Variants in XYLT1 observed in about 807,000 individuals in gnomAD.
The protein encoded by XYLT1 is beta-D-xylosyltransferase 1.
A neutral mutation model predicts 91.3 loss-of-function variants in XYLT1; 36 were observed. That is an observed-to-expected ratio of 0.39 (90% CI 0.30 to 0.52). The LOEUF (loss-of-function observed/expected upper bound fraction) is 0.52, where lower values mean the gene tolerates loss of function less well. Among genes scored for constraint, XYLT1 ranks in the 20% least tolerant of loss-of-function variants. The probability of loss-of-function intolerance (pLI) is 0.68; values close to 1 mark genes in which losing one functional copy is unlikely to be tolerated. For synonymous variants in XYLT1, 588 were observed against 532.0 expected, an observed-to-expected ratio of 1.11 and a Z score of -1.45; for missense variants, 1,242 against 1,284.5, an observed-to-expected ratio of 0.97 and a Z score of 0.51.
At chr16:17,368,277 G>A (rs956163544) in intron 1 of XYLT1, among the ~76,000 whole-genome samples, 4 of 152,178 alleles carry the variant, frequency 2.6e-5, no homozygotes, top group Non-Finnish European at 5.9e-5. Flanking sequence ...CCCTGCAGGG[G>A]ACGGATGGGC....
intron 5 of XYLT1, among the ~76,000 whole-genome samples, chr16:17,191,005 G>A (rs1249826644): frequency 6.6e-6 from 1 of 152,162 alleles, no homozygotes; most frequent in East Asian, 1.9e-4. Flanking sequence ...ATGTAAACAA[G>A]CTTGTCCAAC....
intron 10 of XYLT1, among the ~76,000 whole-genome samples, chr16:17,120,739 AT>A (rs1292120231): frequency 1.3e-5 from 2 of 152,120 alleles, no homozygotes; most frequent in Non-Finnish European, 2.9e-5. Context: ...GGGACTATAT[AT>A]GGCATGCTCA....
chr16:17,317,629 CAAAAAAAAAAAAAAAA>C (rs35666149), intron 2 of XYLT1, among the ~76,000 whole-genome samples: 1 of 58,010 alleles, frequency 1.7e-5, no homozygotes, highest in African/African-American at 7.0e-5. Flanking sequence ...GACGCTGTCT[CAAAAAAAAAAAAAAAA>C]AAAAAAAAAA....
intron 2 of XYLT1, among the ~76,000 whole-genome samples, chr16:17,356,086 C>T (rs2035290953): frequency 6.6e-6 from 1 of 151,910 alleles, no homozygotes; most frequent in African/African-American, 2.4e-5. Flanking sequence ...CCTGGGTCTC[C>T]ACCTACTAGA....
At chr16:17,217,993 G>A (rs1381271053) in intron 3 of XYLT1, among the ~76,000 whole-genome samples, 1 of 151,758 alleles carries the variant, frequency 6.6e-6, no homozygotes, top group Non-Finnish European at 1.5e-5. Flanking sequence ...TGGGGGTCCA[G>A]GCGCAGCGGT....
chr16:17,390,039 T>A (rs8049884), intron 1 of XYLT1, among the ~76,000 whole-genome samples: 2 of 151,948 alleles, frequency 1.3e-5, no homozygotes, highest in Non-Finnish European at 2.9e-5. Context: ...CTTCACCCCC[T>A]GCCCATCTCT....
chr16:17,318,004 G>C (rs1384278881), intron 2 of XYLT1, among the ~76,000 whole-genome samples: 1 of 152,196 alleles, frequency 6.6e-6, no homozygotes, highest in African/African-American at 2.4e-5. Flanking sequence ...TACCCGTCTT[G>C]TCACCCTGTT....
intron 1 of XYLT1, among the ~76,000 whole-genome samples, chr16:17,467,296 C>T (rs905989821): frequency 1.2e-4 from 19 of 152,180 alleles, no homozygotes; most frequent in African/African-American, 4.3e-4. Context: ...AATAAACATT[C>T]ATTACATTAA....
chr16:17,421,521 C>T (rs4781983), intron 1 of XYLT1, among the ~76,000 whole-genome samples: 36,255 of 152,104 alleles, frequency 0.24, 4,850 homozygotes, highest in African/African-American at 0.35. Flanking sequence ...TTCCTGCCTG[C>T]TGGAGGCCAG....
chr16:17,335,962 G>A (rs765205554), intron 2 of XYLT1, among the ~76,000 whole-genome samples: 1 of 152,210 alleles, frequency 6.6e-6, no homozygotes, highest in Admixed American at 6.5e-5. Flanking sequence ...AAATCATCTT[G>A]TGAGTCACCA....
At chr16:17,248,971 C>T (rs2033491173) in intron 3 of XYLT1, among the ~76,000 whole-genome samples, 1 of 151,976 alleles carries the variant, frequency 6.6e-6, no homozygotes, top group Admixed American at 6.6e-5. Context: ...AAGCGATCCA[C>T]CTGCCTCCCA....
rs1771940541 is a variant in XYLT1 at position 17,470,465 on chromosome 16, G to T, written c.332C>A (p.Ala111Asp). Reference sequence around the variant, plus strand: ...CCGGGCGGGCAGTGCCCCCCGGCTGGCCGGCTGCTGTCCCCGCGGTTCTCC... The same window carrying T: ...CCGGGCGGGCAGTGCCCCCCGGCTGTCCGGCTGCTGTCCCCGCGGTTCTCC... ...GPGEPRGQQP[A>D]SRGALPARAL... Residue 111 changes from alanine to aspartate, a missense_variant, in exon 1 of 12, where the codon GCC (alanine) becomes GAC (aspartate). Physicochemically the swap from Ala to Asp is moderately radical, Grantham distance 126. Coordinates refer to ENST00000261381, the MANE Select transcript of XYLT1 (RefSeq NM_022166.4). 6 of 1,232,172 alleles carry T rather than the reference G, an allele frequency of 4.9e-6. No homozygotes were observed. Among genetic ancestry groups the T allele is most frequent in the Non-Finnish European group, 6.1e-6 (6 of 988,072 alleles). The allele number at this position is 1,232,172 out of a possible 1,614,324, so 76.3% of individuals were successfully genotyped here.
intron 3 of XYLT1, among the ~76,000 whole-genome samples, chr16:17,213,895 G>A (rs2032808303): frequency 6.6e-6 from 1 of 152,178 alleles, no homozygotes; most frequent in Non-Finnish European, 1.5e-5. Flanking sequence ...GGGATTACAG[G>A]CATGATCTGC....
chr16:17,274,171 C>T (rs1306589566), intron 2 of XYLT1, among the ~76,000 whole-genome samples: 6 of 152,276 alleles, frequency 3.9e-5, no homozygotes, highest in African/African-American at 1.4e-4. Context: ...CTCAGCCTCC[C>T]AAAGTGCTGG....
chr16:17,205,707 G>A (rs888791651), intron 3 of XYLT1, among the ~76,000 whole-genome samples: 1 of 152,164 alleles, frequency 6.6e-6, no homozygotes, highest in East Asian at 1.9e-4. Context: ...CCAGGGCTGT[G>A]TGTACTCTAG....
At chr16:17,306,188 G>A (rs1202779797) in intron 2 of XYLT1, among the ~76,000 whole-genome samples, 1 of 152,176 alleles carries the variant, frequency 6.6e-6, no homozygotes, top group Non-Finnish European at 1.5e-5. Flanking sequence ...CAGTCTGTGT[G>A]TACTCAGATT....
chr16:17,372,975 G>A (rs112560038), intron 1 of XYLT1, among the ~76,000 whole-genome samples: 2,055 of 152,146 alleles, frequency 0.014, 31 homozygotes, highest in Non-Finnish European at 0.024. Context: ...TTTCTAACAC[G>A]TTCTTGACCT....
intron 2 of XYLT1, among the ~76,000 whole-genome samples, chr16:17,261,071 C>A (rs1164550626): frequency 6.6e-6 from 1 of 151,872 alleles, no homozygotes; most frequent in African/African-American, 2.4e-5. Context: ...CCATCTCTAC[C>A]AATAACACAC....
At chr16:17,466,560 G>A (rs553256072) in intron 1 of XYLT1, among the ~76,000 whole-genome samples, 24 of 152,070 alleles carry the variant, frequency 1.6e-4, no homozygotes, top group Non-Finnish European at 2.2e-4. Context: ...AAGAACTTAC[G>A]CCATGGCTGG....
Sources: gnomAD v4.1 joint callset for allele counts (sites outside exome capture counted in the v4.1 genomes callset) on GRCh38, gnomAD v4.1.1 for gene constraint, MANE v1.5 for transcripts, NCBI Gene and HGNC (gene_info 2026-07-23, HGNC 2026-07-21) for gene names.